ANO2: variants seen among roughly 807,000 people sequenced by gnomAD.
ANO2 encodes the protein anoctamin-2.
ANO2 carries 101 observed loss-of-function variants against 124.2 expected under a neutral mutation model. That is an observed-to-expected ratio of 0.81 (90% CI 0.69 to 0.96). The LOEUF (loss-of-function observed/expected upper bound fraction) is 0.96, where lower values mean the gene tolerates loss of function less well. ANO2 is among the 40% of genes least tolerant of loss of function. The pLI, the probability that ANO2 is intolerant of heterozygous loss-of-function variation, is 0.00. For synonymous variants in ANO2, 486 were observed against 482.5 expected (o/e 1.01, Z -0.09); for missense variants, 1,293 against 1,274.5 (o/e 1.01, Z -0.22).
intron 16 of ANO2, among the ~76,000 whole-genome samples, chr12:5,632,029 C>T (rs1241488642): frequency 2.0e-5 from 3 of 152,076 alleles, no homozygotes; most frequent in Non-Finnish European, 2.9e-5. Flanking sequence ...AGGGGATGAC[C>T]AGAGGACAGG....
At chr12:5,876,355 A>C (rs1440529274) in intron 3 of ANO2, among the ~76,000 whole-genome samples, 1 of 152,230 alleles carries the variant, frequency 6.6e-6, no homozygotes, top group Non-Finnish European at 1.5e-5. Flanking sequence ...GATGTGGAGA[A>C]ATATGAATGC....
At chr12:5,639,494 C>T (rs755075797) in intron 15 of ANO2, among the ~76,000 whole-genome samples, 10 of 152,126 alleles carry the variant, frequency 6.6e-5, no homozygotes, top group Non-Finnish European at 1.0e-4. Flanking sequence ...GTACCTTCAG[C>T]ACGAGAAATA....
intron 24 of ANO2, among the ~76,000 whole-genome samples, chr12:5,565,002 G>A (rs910788514): frequency 2.6e-5 from 4 of 152,162 alleles, no homozygotes; most frequent in African/African-American, 9.7e-5. Context: ...GAATCTCAGC[G>A]ATGCAATTGG....
intron 4 of ANO2, among the ~76,000 whole-genome samples, chr12:5,852,662 TATA>T (rs1234011639): frequency 1.3e-5 from 2 of 152,222 alleles, no homozygotes; most frequent in South Asian, 4.2e-4. Context: ...TGTTGCTGAC[TATA>T]ATGATAGCAC....
chr12:5,861,286 C>T lies in ANO2; in HGVS notation c.535-7145G>A, dbSNP rs546641196. On this transcript the variant is annotated intron_variant, in intron 3 of 24. Coordinates refer to ENST00000682330, the MANE Select transcript of ANO2 (RefSeq NM_001364791.2). The stretch of plus-strand genomic sequence containing the variant: ...CATCCACGGCAATCCTGCAGCCCCT[C>T]CCTTCACAAGAAATTAGGGAGGCAG... Among the ~76,000 whole-genome samples the T allele has an allele frequency of 2.0e-5, 3 of 152,232 alleles. No homozygotes were observed. In the East Asian group the frequency reaches 5.8e-4, roughly 29 times the overall value.
chr12:5,584,713 A>G (rs1275804256), intron 20 of ANO2, among the ~76,000 whole-genome samples: 1 of 152,226 alleles, frequency 6.6e-6, no homozygotes, highest in Non-Finnish European at 1.5e-5. Flanking sequence ...CGTCTGGCAT[A>G]AAAAGAATTG....
chr12:5,760,254 C>T (rs891802925), intron 10 of ANO2, among the ~76,000 whole-genome samples: 5 of 152,034 alleles, frequency 3.3e-5, no homozygotes, highest in African/African-American at 9.7e-5. Context: ...CCAGTTAAGC[C>T]TCTAAAAAGC....
chr12:5,729,806 A>C (rs566859693), intron 14 of ANO2, among the ~76,000 whole-genome samples: 2 of 152,340 alleles, frequency 1.3e-5, no homozygotes, highest in Non-Finnish European at 2.9e-5. Context: ...CAGATCCACA[A>C]TATAGAATAT....
At chr12:5,775,461 C>CTTTTTT (rs369913885) in intron 10 of ANO2, among the ~76,000 whole-genome samples, 1 of 132,708 alleles carries the variant, frequency 7.5e-6, no homozygotes, top group Non-Finnish European at 1.6e-5. Context: ...ACCATCAATC[C>CTTTTTT]TTTTTTTTTT....
At chr12:5,870,846 A>G (rs1005536118) in intron 3 of ANO2, among the ~76,000 whole-genome samples, 2 of 152,240 alleles carry the variant, frequency 1.3e-5, no homozygotes, top group Admixed American at 1.3e-4. Flanking sequence ...CAAGGTGGCC[A>G]CATGCAGTGG....
intron 4 of ANO2, among the ~76,000 whole-genome samples, chr12:5,844,874 TAC>T (rs1954632733): frequency 6.6e-6 from 1 of 152,122 alleles, no homozygotes; most frequent in African/African-American, 2.4e-5. Flanking sequence ...TGTTTGTTTT[TAC>T]TACAAGGCTT....
At chr12:5,671,498 T>C (rs1331734436) in intron 14 of ANO2, among the ~76,000 whole-genome samples, 1 of 5,026 alleles carries the variant, frequency 2.0e-4, no homozygotes, top group Non-Finnish European at 3.9e-4. Flanking sequence ...GTGTGGGGGG[T>C]GGCGGGGGGG....
At chr12:5,733,521 G>A (rs1447068434) in intron 13 of ANO2, among the ~76,000 whole-genome samples, 3 of 152,186 alleles carry the variant, frequency 2.0e-5, no homozygotes, top group Non-Finnish European at 4.4e-5. Context: ...TCCTGGGCAG[G>A]GATTCAGGTA....
rs60128304 is a variant in ANO2 at position 5,635,599 on chromosome 12, T to TCACACACACACACACACACA, written c.1621-272_1621-253dup. 2.4e-4 allele frequency among the ~76,000 whole-genome samples: 35 copies of TCACACACACACACACACACA among 146,906 alleles called. No individual in the cohort carries two copies. Among genetic ancestry groups the TCACACACACACACACACACA allele is most frequent in the African/African-American group, 8.3e-4 (33 of 39,570 alleles). Reference sequence around the variant, plus strand: ...TTTTTGTCAGATTCCAAATGATTTATCACACACACACACACACACACACAC... The same window carrying TCACACACACACACACACACA: ...TTTTTGTCAGATTCCAAATGATTTATCACACACACACACACACACACACACACACACACACACACACACAC... On this transcript the variant is annotated intron_variant, in intron 15 of 24. Coordinates refer to ENST00000682330, the MANE Select transcript of ANO2 (RefSeq NM_001364791.2). This position sits in a 1 kb window ranked among gnomAD's most constrained non-coding sequence, Gnocchi z 5.2.
At chr12:5,923,098 A>ACACGCG (rs1565783563) in intron 1 of ANO2, among the ~76,000 whole-genome samples, 1 of 66,738 alleles carries the variant, frequency 1.5e-5, no homozygotes, top group Non-Finnish European at 3.9e-5. Flanking sequence ...ACACACGCAC[A>ACACGCG]CACATACACA....
chr12:5,919,699 AT>A (rs71064175), intron 3 of ANO2, among the ~76,000 whole-genome samples: 2 of 150,928 alleles, frequency 1.3e-5, no homozygotes, highest in East Asian at 2.0e-4. Flanking sequence ...AGGGAAGGTC[AT>A]TTTTTTTTCT....
intron 7 of ANO2, among the ~76,000 whole-genome samples, chr12:5,823,393 C>T (rs1426623961): frequency 3.9e-5 from 6 of 152,180 alleles, no homozygotes; most frequent in South Asian, 2.1e-4. Context: ...TTGGTAAATA[C>T]AGCCATTCCA....
chr12:5,632,973 C>T (rs953155617), intron 16 of ANO2, among the ~76,000 whole-genome samples: 10 of 152,128 alleles, frequency 6.6e-5, no homozygotes, highest in African/African-American at 1.9e-4. Context: ...AGACAGCTCC[C>T]GTCATGCCAC....
chr12:5,740,168 A>G (rs982165440), intron 12 of ANO2: 22 of 344,744 alleles, frequency 6.4e-5, no homozygotes, highest in South Asian at 4.7e-4. Flanking sequence ...AGGGCTGAAC[A>G]TCTGATGCAG....
Sources: allele counts gnomAD v4.1 joint callset (sites outside exome capture counted in the v4.1 genomes callset), GRCh38; gene constraint gnomAD v4.1.1; non-coding constraint Gnocchi (gnomAD v3.1); transcripts MANE v1.5; gene names NCBI Gene and HGNC (gene_info 2026-07-23, HGNC 2026-07-21).